ZC3H11A: variants seen among roughly 807,000 people sequenced by gnomAD.
ZC3H11A encodes the protein zinc finger CCCH domain-containing protein 11A.
Under a neutral mutation model 90.8 loss-of-function variants are expected in ZC3H11A, and 22 were observed. The observed-to-expected ratio is 0.24, with a 90% CI of 0.17 to 0.35. The LOEUF is 0.35. Among genes scored for constraint, ZC3H11A ranks in the 10% least tolerant of loss-of-function variants. The pLI is 1.00. For synonymous variants in ZC3H11A, 294 were observed against 339.8 expected, an observed-to-expected ratio of 0.87 and a Z score of 1.48; for missense variants, 701 against 964.9, an observed-to-expected ratio of 0.73 and a Z score of 3.62.
intron 2 of ZC3H11A, among the ~76,000 whole-genome samples, chr1:203,810,423 GT>G (rs765335556): frequency 4.7e-4 from 65 of 138,750 alleles, no homozygotes; most frequent in Admixed American, 7.1e-4. Flanking sequence ...TAGCTGTTAG[GT>G]TTTTTTTTTT....
intron 2 of ZC3H11A, among the ~76,000 whole-genome samples, chr1:203,808,753 G>T (rs888793866): frequency 6.6e-6 from 1 of 152,002 alleles, no homozygotes; most frequent in African/African-American, 2.4e-5. Flanking sequence ...TGAAGGTAGG[G>T]GCTGGAAATT....
At chr1:203,807,270 T>G (rs1268340446) in intron 2 of ZC3H11A, among the ~76,000 whole-genome samples, 1 of 152,176 alleles carries the variant, frequency 6.6e-6, no homozygotes, top group African/African-American at 2.4e-5. Context: ...AGCAGCTGTT[T>G]TAAACATTTT....
At chr1:203,848,447 C>T in intron 14 of ZC3H11A, 40 bp downstream of exon 14, 1 of 1,497,592 alleles carries the variant, frequency 6.7e-7, no homozygotes, top group Non-Finnish European at 9.2e-7. Context: ...TCATGGCAAA[C>T]AAAGGCTAGA....
intron 2 of ZC3H11A, among the ~76,000 whole-genome samples, chr1:203,808,856 G>GT (rs1673278375): frequency 6.6e-6 from 1 of 151,896 alleles, no homozygotes. Context: ...TTGAGAAGGC[G>GT]TTTTTCTGTT....
Position 203,852,439 on chromosome 1 carries a change from A to C in ZC3H11A, c.*40A>C. 1 of 1,603,562 alleles carries C rather than the reference A, an allele frequency of 6.2e-7. No individual in the cohort carries two copies. Among genetic ancestry groups the C allele is most frequent in the Non-Finnish European group, 8.5e-7 (1 of 1,175,960 alleles). ...ACACTTTAAAAAAAAAATCGCCAAA[A>C]AACTGGACTTAGTTTCATCTATTGT... is the stretch of plus-strand genomic sequence containing the variant. On this transcript the variant is annotated 3_prime_UTR_variant, in exon 18 of 18. Transcript: ENST00000367210.
At chr1:203,833,379 A>C (rs796517608) in intron 9 of ZC3H11A, among the ~76,000 whole-genome samples, 4 of 145,776 alleles carry the variant, frequency 2.7e-5, no homozygotes, top group Admixed American at 2.7e-4. Context: ...AAAAAAAAAA[A>C]AAAAACACCA....
intron 2 of ZC3H11A, among the ~76,000 whole-genome samples, chr1:203,812,812 C>G (rs1489028427): frequency 6.6e-6 from 1 of 152,050 alleles, no homozygotes; most frequent in Non-Finnish European, 1.5e-5. Flanking sequence ...GAACTCCTGA[C>G]CTCAGATGAC....
At chr1:203,841,142 CT>C (rs1303978527) in intron 12 of ZC3H11A, among the ~76,000 whole-genome samples, 201 of 129,738 alleles carry the variant, frequency 1.5e-3, no homozygotes, top group Middle Eastern at 3.8e-3. Flanking sequence ...ACATAAGAAT[CT>C]TTTTTTTTTT....
intron 4 of ZC3H11A, among the ~76,000 whole-genome samples, chr1:203,825,262 C>T (rs1273162660): frequency 3.9e-5 from 6 of 152,040 alleles, no homozygotes; most frequent in Admixed American, 3.3e-4. Flanking sequence ...CTCTATTTCC[C>T]TTAGGAATAA....
At chr1:203,839,336 C>G (rs984316618) in intron 11 of ZC3H11A, among the ~76,000 whole-genome samples, 2 of 152,090 alleles carry the variant, frequency 1.3e-5, no homozygotes, top group Non-Finnish European at 2.9e-5. Context: ...ACTATTGCGC[C>G]CCTCAGGGAA....
chr1:203,819,569 T>C (rs553614572), intron 4 of ZC3H11A, among the ~76,000 whole-genome samples: 1 of 120,096 alleles, frequency 8.3e-6, no homozygotes, highest in African/African-American at 3.1e-5. Context: ...AGTTTTGCTC[T>C]TGTTGCCCAG....
chr1:203,819,497 C>T (rs1317171089), intron 4 of ZC3H11A, among the ~76,000 whole-genome samples: 4 of 148,928 alleles, frequency 2.7e-5, no homozygotes, highest in Non-Finnish European at 4.4e-5. Context: ...GCTGGGATTA[C>T]ATGCGTGAGC....
At chr1:203,811,822 CTTT>C (rs766087522) in intron 2 of ZC3H11A, among the ~76,000 whole-genome samples, 5 of 133,438 alleles carry the variant, frequency 3.7e-5, no homozygotes, top group African/African-American at 2.8e-5. Flanking sequence ...TTGTCTTTTT[CTTT>C]TTTTTTTTTT....
Position 203,850,494 on chromosome 1 carries a change from G to T in ZC3H11A, c.1940-21G>T, listed in dbSNP as rs534070691. The T allele has an allele frequency of 1.4e-5, 23 of 1,613,880 alleles. 1 individual carries two copies. The highest frequency in any genetic ancestry group is 1.3e-4 in the East Asian group (6 of 44,884). ...AAGAGTCTATTCTCACTGCTTATCA[G>T]ATATTTTCTGCCCTTTGTAGCTAAA... On this transcript the variant is annotated intron_variant, in intron 15 of 17. Transcript: ENST00000367210.
At chr1:203,834,155 C>A in intron 10 of ZC3H11A, 1 of 889,846 alleles carries the variant, frequency 1.1e-6, no homozygotes, top group Non-Finnish European at 1.4e-6. Flanking sequence ...TTTTTAGAGG[C>A]GAGAAAAATG....
At chr1:203,843,162 A>C (rs1572325190) in intron 12 of ZC3H11A, among the ~76,000 whole-genome samples, 1 of 152,166 alleles carries the variant, frequency 6.6e-6, no homozygotes. Context: ...ATCTCTCCCT[A>C]GTATGCTGCA....
chr1:203,810,151 T>G (rs1361747902), intron 2 of ZC3H11A, among the ~76,000 whole-genome samples: 1 of 151,046 alleles, frequency 6.6e-6, no homozygotes, highest in African/African-American at 2.4e-5. Context: ...TGTTTTTTGT[T>G]TTTTTTTTAA....
Position 203,847,294 on chromosome 1 carries a change from C to T in ZC3H11A, c.1153C>T (p.Pro385Ser). 1 of 1,613,816 alleles carries T rather than the reference C, an allele frequency of 6.2e-7. No homozygotes were observed. The highest frequency in any genetic ancestry group is 8.5e-7 in the Non-Finnish European group (1 of 1,179,844). Reference sequence around the variant, plus strand: ...GCAAACTAAACTCAAGACAGAAGGACCTTCAAAAACTGATGATTCTACTTC... The same window carrying T: ...GCAAACTAAACTCAAGACAGAAGGATCTTCAAAAACTGATGATTCTACTTC... Reference protein sequence around the residue: ...ELQTKLKTEGPSKTDDSTSGA... With the variant: ...ELQTKLKTEGSSKTDDSTSGA... The change falls in exon 13 of 18, where the codon CCT becomes TCT. Residue 385 changes from proline (P) to serine (S), a missense_variant. Pro to Ser is a moderately conservative substitution (Grantham distance 74). Coordinates refer to ENST00000367210, the MANE Select transcript of ZC3H11A (RefSeq NM_001376342.1).
intron 4 of ZC3H11A, among the ~76,000 whole-genome samples, chr1:203,822,052 T>C (rs574919264): frequency 1.6e-4 from 25 of 152,282 alleles, no homozygotes; most frequent in Non-Finnish European, 2.8e-4. Flanking sequence ...CCACCGTGCC[T>C]GGCCCTATGT....
Sources: gnomAD v4.1 joint callset for allele counts (sites outside exome capture counted in the v4.1 genomes callset) on GRCh38, gnomAD v4.1.1 for gene constraint, MANE v1.5 for transcripts, NCBI Gene and HGNC (gene_info 2026-07-23, HGNC 2026-07-21) for gene names.